Variants in KDELR2 observed in about 807,000 individuals in gnomAD.
The protein encoded by KDELR2 is KDEL endoplasmic reticulum protein retention receptor 2, also known as ER lumen protein-retaining receptor 2.
A neutral mutation model predicts 23.9 loss-of-function variants in KDELR2; 15 were observed. That is an observed-to-expected ratio of 0.63 (90% confidence interval 0.42 to 0.97). The LOEUF is 0.97. Ranked by LOEUF, KDELR2 falls within the 50% of genes least tolerant of loss-of-function variation. The pLI is 0.00. For synonymous variants in KDELR2, 119 were observed against 106.2 expected, an observed-to-expected ratio of 1.12 and a Z score of -0.74; for missense variants, 272 against 254.6, an observed-to-expected ratio of 1.07 and a Z score of -0.46.
chr7:6,465,678 C>A (rs953850705), intron 4 of KDELR2, among the ~76,000 whole-genome samples: 1 of 152,014 alleles, frequency 6.6e-6, no homozygotes, highest in Non-Finnish European at 1.5e-5. Context: ...GGTACATGCA[C>A]ATAATGAAAC....
intron 1 of KDELR2, among the ~76,000 whole-genome samples, chr7:6,476,503 A>G (rs1785755248): frequency 1.3e-5 from 2 of 152,204 alleles, no homozygotes; most frequent in East Asian, 1.9e-4. Flanking sequence ...CTTATTTCCT[A>G]TATGGTTCTT....
At chr7:6,465,429 C>T (rs963349864) in intron 4 of KDELR2, among the ~76,000 whole-genome samples, 6 of 151,784 alleles carry the variant, frequency 4.0e-5, no homozygotes, top group East Asian at 1.9e-4. Flanking sequence ...ATGATCCGCC[C>T]GCCTCGGCCT....
chr7:6,469,945 C>A (rs1252046028), intron 2 of KDELR2, 191 bp from the exon 3 acceptor site: 8 of 461,396 alleles, frequency 1.7e-5, no homozygotes, highest in Non-Finnish European at 3.0e-5. Context: ...TAACCACCAC[C>A]AAAATTAGGA....
intron 1 of KDELR2, among the ~76,000 whole-genome samples, chr7:6,479,719 C>A (rs138917531): frequency 6.6e-6 from 1 of 152,180 alleles, no homozygotes; most frequent in East Asian, 1.9e-4. Context: ...CCTCAAGATC[C>A]GCCCGCCTTG....
rs1229768731 is a variant in KDELR2 at position 6,469,732 on chromosome 7, T to C, written c.215A>G (p.Tyr72Cys). 6 of 1,613,798 alleles carry C rather than the reference T, an allele frequency of 3.7e-6. No homozygotes were observed. The highest frequency in any genetic ancestry group is 2.7e-5 in the African/African-American group (2 of 74,882). Residue 72 changes from tyrosine to cysteine, a missense_variant, in exon 3 of 5, where the codon TAT becomes TGT. Tyr to Cys is a radical substitution (Grantham distance 194). Coordinates refer to ENST00000258739, the MANE Select transcript of KDELR2 (RefSeq NM_006854.4). ...CAGGTAGATCAGGTACACTGTGGCA[T>C]AGGAGCAGGCAAGGTAGATAACCTA... ...SMKVIYLACS[Y>C]ATVYLIYLKF...
intron 1 of KDELR2, among the ~76,000 whole-genome samples, chr7:6,477,561 C>T (rs191721944): frequency 1.3e-5 from 2 of 152,334 alleles, no homozygotes; most frequent in East Asian, 3.9e-4. Flanking sequence ...ACCAAATACA[C>T]CAAACATCTA....
At chr7:6,463,783 G>A (rs930055786) in intron 4 of KDELR2, among the ~76,000 whole-genome samples, 15 of 151,296 alleles carry the variant, frequency 9.9e-5, no homozygotes, top group African/African-American at 3.6e-4. Flanking sequence ...AAGGATGGCA[G>A]GGTGAGGTAG....
intron 2 of KDELR2, among the ~76,000 whole-genome samples, chr7:6,471,175 G>GTTT (rs1562500241): frequency 1.0e-4 from 12 of 117,190 alleles, no homozygotes; most frequent in South Asian, 2.8e-4. Flanking sequence ...CATTTGTTTC[G>GTTT]GTTTTTTTTT....
chr7:6,474,465 A>G (rs1366946105), intron 1 of KDELR2, among the ~76,000 whole-genome samples, 181 bp from the exon 2 acceptor site: 2 of 152,116 alleles, frequency 1.3e-5, no homozygotes, highest in African/African-American at 4.8e-5. Flanking sequence ...ATTCCCAAAC[A>G]TGCTCCTTTT....
intron 2 of KDELR2, among the ~76,000 whole-genome samples, chr7:6,470,950 T>TA (rs895593023): frequency 2.0e-5 from 3 of 150,458 alleles, no homozygotes; most frequent in South Asian, 2.1e-4. Flanking sequence ...CTATCTCTAC[T>TA]AAAAAAAATA....
In KDELR2 at chr7:6,479,822, G is replaced by A. The variant is rs190850597; in HGVS notation, c.91+4145C>T. ...GCTACAAGCTGCTGCTCTGAATTGT[G>A]TGCCAGTGCCTTGCACATAGTGGGT... On this transcript the variant is annotated intron_variant, in intron 1 of 4. Coordinates refer to ENST00000258739, the MANE Select transcript of KDELR2 (RefSeq NM_006854.4). Among the ~76,000 whole-genome samples the A allele has an allele frequency of 4.0e-3, 604 of 152,306 alleles. 14 individuals carry two copies. Among genetic ancestry groups the A allele is most frequent in the Non-Finnish European group, 1.8e-3 (121 of 68,032 alleles).
chr7:6,470,596 T>C lies in KDELR2; in HGVS notation c.193-842A>G, dbSNP rs1294588971. On this transcript the variant is annotated intron_variant, in intron 2 of 4. Coordinates refer to ENST00000258739, the MANE Select transcript of KDELR2 (RefSeq NM_006854.4). ...TAAAGTAGTATACAATAATTATACA[T>C]ATGTACCACAATAAACAATGTAGTA... Among the ~76,000 whole-genome samples the C allele has an allele frequency of 4.6e-5, 7 of 152,206 alleles. No homozygotes were observed. The East Asian group carries it at 1.3e-3, about 29-fold the overall frequency.
intron 3 of KDELR2, among the ~76,000 whole-genome samples, chr7:6,467,203 A>G (rs1306844053): frequency 6.6e-6 from 1 of 152,204 alleles, no homozygotes; most frequent in African/African-American, 2.4e-5. Flanking sequence ...CTGGGATACC[A>G]AATCAACCCT....
intron 1 of KDELR2, among the ~76,000 whole-genome samples, chr7:6,475,655 T>G (rs1439204666): frequency 6.6e-6 from 1 of 152,182 alleles, no homozygotes; most frequent in African/African-American, 2.4e-5. Context: ...ATTTATGTGG[T>G]GTGCACACAG....
intron 1 of KDELR2, among the ~76,000 whole-genome samples, chr7:6,478,849 T>C (rs943810254): frequency 1.3e-5 from 2 of 152,014 alleles, no homozygotes; most frequent in African/African-American, 4.8e-5. Flanking sequence ...AGTGCAGTGG[T>C]GCGATCTCGG....
rs774286551 is a variant in KDELR2, at chr7:6,466,339, C to A, written c.352-16G>T. 27 of 1,611,060 alleles carry A rather than the reference C, an allele frequency of 1.7e-5. No individual in the cohort carries two copies. The highest frequency in any genetic ancestry group is 2.2e-5 in the Non-Finnish European group (26 of 1,178,636). ...TCCAGAGGATCTGGAAGAGAAATGG[C>A]AAGCTTCCATCACGACCCACTGCCC... On this transcript the variant is annotated splice_polypyrimidine_tract_variant and intron_variant, in intron 3 of 4. Transcript: ENST00000258739.
chr7:6,466,930 C>T (rs1785515536), intron 3 of KDELR2, among the ~76,000 whole-genome samples: 1 of 152,160 alleles, frequency 6.6e-6, no homozygotes, highest in South Asian at 2.1e-4. Context: ...GGCTCATCTC[C>T]TCCTGGGTGG....
rs1055591 is a variant in KDELR2 at position 6,461,181 on chromosome 7, C to T, written c.*1960G>A. The T allele has an allele frequency of 3.9e-5, 6 of 152,118 alleles. No homozygotes were observed. The highest frequency in any genetic ancestry group is 1.9e-4 in the East Asian group (1 of 5,186). The allele number at this position is 152,118 out of a possible 1,614,324, so 9.4% of individuals were successfully genotyped here. ...CATACAAGGCCTTGGTTTCCAACGC[C>T]GGCGAGGATGAGGCCCAGTCCCACA... On this transcript the variant is annotated 3_prime_UTR_variant, in exon 5 of 5. Coordinates refer to ENST00000258739, the MANE Select transcript of KDELR2 (RefSeq NM_006854.4).
At chr7:6,481,617 G>A (rs1244951829) in intron 1 of KDELR2, among the ~76,000 whole-genome samples, 1 of 152,070 alleles carries the variant, frequency 6.6e-6, no homozygotes, top group Non-Finnish European at 1.5e-5. Context: ...CAACTCAGGA[G>A]GCTGAGGAGG....
Sources: allele counts gnomAD v4.1 joint callset (sites outside exome capture counted in the v4.1 genomes callset), GRCh38; gene constraint gnomAD v4.1.1; transcripts MANE v1.5; gene names NCBI Gene and HGNC (gene_info 2026-07-23, HGNC 2026-07-21).